GABBR2: variants seen among roughly 807,000 people sequenced by gnomAD.
The protein encoded by GABBR2 is gamma-aminobutyric acid type B receptor subunit 2.
A neutral mutation model predicts 105.6 loss-of-function variants in GABBR2; 23 were observed. That is an observed-to-expected ratio of 0.22 (90% CI 0.16 to 0.31). The LOEUF is 0.31. Among genes scored for constraint, GABBR2 ranks in the 10% least tolerant of loss-of-function variants. The pLI is 1.00. For missense variants in GABBR2, 734 were observed against 1,245.5 expected (o/e 0.59, Z 6.18); for synonymous variants, 478 against 499.7 (o/e 0.96, Z 0.58).
intron 1 of GABBR2, among the ~76,000 whole-genome samples, chr9:98,655,112 T>C (rs1383213237): frequency 6.6e-6 from 1 of 152,140 alleles, no homozygotes; most frequent in East Asian, 1.9e-4. Flanking sequence ...AGGGGACTTT[T>C]AGGGCCGTGA....
At chr9:98,545,117 A>C (rs1201058545) in intron 2 of GABBR2, among the ~76,000 whole-genome samples, 1 of 152,186 alleles carries the variant, frequency 6.6e-6, no homozygotes, top group East Asian at 1.9e-4. Context: ...TCTGGTTGCT[A>C]CTTTACCATT....
At chr9:98,635,316 G>A (rs1829861891) in intron 1 of GABBR2, among the ~76,000 whole-genome samples, 1 of 152,174 alleles carries the variant, frequency 6.6e-6, no homozygotes. Flanking sequence ...AGGAAGAGTG[G>A]TCCCTTCATT....
intron 2 of GABBR2, among the ~76,000 whole-genome samples, chr9:98,569,388 T>C (rs1230519160): frequency 1.3e-5 from 2 of 152,092 alleles, no homozygotes; most frequent in East Asian, 1.9e-4. Flanking sequence ...ATTTTCAGAG[T>C]CTGCAGTGTC....
chr9:98,566,402 G>A (rs1828751086), intron 2 of GABBR2, among the ~76,000 whole-genome samples: 1 of 152,164 alleles, frequency 6.6e-6, no homozygotes, highest in Non-Finnish European at 1.5e-5. Flanking sequence ...ATGGCTGGGT[G>A]CAGTGGCCCA....
intron 4 of GABBR2, among the ~76,000 whole-genome samples, chr9:98,493,652 T>C (rs1379226180): frequency 6.6e-6 from 1 of 152,242 alleles, no homozygotes; most frequent in African/African-American, 2.4e-5. Flanking sequence ...TTGTCTGTCC[T>C]CTGTACCTCC....
intron 1 of GABBR2, among the ~76,000 whole-genome samples, chr9:98,660,041 C>G (rs900532982): frequency 5.9e-5 from 9 of 152,078 alleles, no homozygotes; most frequent in African/African-American, 2.2e-4. Flanking sequence ...TAATTTTTGG[C>G]CTTTTTCATC....
intron 1 of GABBR2, among the ~76,000 whole-genome samples, chr9:98,672,131 C>T (rs753186011): frequency 6.6e-6 from 1 of 152,164 alleles, no homozygotes; most frequent in Admixed American, 6.5e-5. Context: ...TATGCACATT[C>T]GCAATGTTGT....
chr9:98,351,498 A>G (rs1240258692), intron 13 of GABBR2, among the ~76,000 whole-genome samples: 1 of 152,192 alleles, frequency 6.6e-6, no homozygotes, highest in Admixed American at 6.5e-5. Context: ...CATTTCTTGT[A>G]GGGATGGTCT....
chr9:98,591,135 A>G (rs1461596875), intron 1 of GABBR2, among the ~76,000 whole-genome samples: 1 of 152,212 alleles, frequency 6.6e-6, no homozygotes, highest in Admixed American at 6.5e-5. Flanking sequence ...GGAATATTCA[A>G]ATTGCACTGA....
At chr9:98,690,069 C>T (rs1158424261) in intron 1 of GABBR2, among the ~76,000 whole-genome samples, 1 of 152,218 alleles carries the variant, frequency 6.6e-6, no homozygotes, top group African/African-American at 2.4e-5. Context: ...TCTGCAGCTT[C>T]CATGATTTCC....
chr9:98,506,576 C>T (rs970310602), intron 3 of GABBR2, among the ~76,000 whole-genome samples: 1 of 152,222 alleles, frequency 6.6e-6, no homozygotes, highest in African/African-American at 2.4e-5. Flanking sequence ...CCAGGGGCAG[C>T]GCTAGCTGGA....
intron 1 of GABBR2, among the ~76,000 whole-genome samples, chr9:98,610,173 G>A (rs933375782): frequency 1.3e-5 from 2 of 152,228 alleles, no homozygotes; most frequent in Admixed American, 1.3e-4. Context: ...CTGCTGCCTG[G>A]ACTCAACTCC....
intron 6 of GABBR2, among the ~76,000 whole-genome samples, chr9:98,468,810 G>A (rs961385076): frequency 6.6e-6 from 1 of 152,162 alleles, no homozygotes; most frequent in Non-Finnish European, 1.5e-5. Context: ...CACACTCTGT[G>A]CTCCTGTGTG....
chr9:98,339,567 G>GA (rs1475981658), intron 13 of GABBR2, among the ~76,000 whole-genome samples: 1 of 152,194 alleles, frequency 6.6e-6, no homozygotes, highest in African/African-American at 2.4e-5. Flanking sequence ...CACAGCAGTG[G>GA]AGGCAGACAG....
intron 13 of GABBR2, among the ~76,000 whole-genome samples, chr9:98,320,014 A>G (rs1400771147): frequency 6.6e-6 from 1 of 152,172 alleles, no homozygotes; most frequent in Non-Finnish European, 1.5e-5. Context: ...GCACAGCAAA[A>G]GAAACTACCA....
In GABBR2 at chr9:98,654,483, C is replaced by A. The variant is rs919853135; in HGVS notation, c.321+53934G>T. On this transcript the variant is annotated intron_variant, in intron 1 of 18. Transcript: ENST00000259455. ...CAGATGGTGGGAACTCAACAGCATG[C>A]TGGCATGGAGCATACATACTAGTGG... is the stretch of plus-strand genomic sequence containing the variant. 2.6e-5 allele frequency among the ~76,000 whole-genome samples: 4 copies of A among 152,200 alleles called. No individual in the cohort carries two copies. The East Asian group carries it at 5.8e-4, about 22-fold the overall frequency.
intron 13 of GABBR2, among the ~76,000 whole-genome samples, chr9:98,313,682 G>A (rs1830670017): frequency 6.6e-6 from 1 of 152,186 alleles, no homozygotes. Flanking sequence ...ATATTCTGAT[G>A]GAGTTGTGCT....
At chr9:98,497,902 A>C (rs571328994) in intron 3 of GABBR2, among the ~76,000 whole-genome samples, 22 of 152,364 alleles carry the variant, frequency 1.4e-4, no homozygotes, top group African/African-American at 4.3e-4. Flanking sequence ...AAGAATTGGA[A>C]GCAGGGACTT....
At chr9:98,439,283 T>TC (rs1825989309) in intron 7 of GABBR2, among the ~76,000 whole-genome samples, 1 of 152,208 alleles carries the variant, frequency 6.6e-6, no homozygotes, top group Non-Finnish European at 1.5e-5. Context: ...TGCCAGGCTG[T>TC]CCTCCAGGGC....
Sources: gnomAD v4.1 joint callset for allele counts (sites outside exome capture counted in the v4.1 genomes callset) on GRCh38, gnomAD v4.1.1 for gene constraint, MANE v1.5 for transcripts, NCBI Gene and HGNC (gene_info 2026-07-23, HGNC 2026-07-21) for gene names.